The following MTHFD2L variants were observed in gnomAD, a reference collection of about 807,000 sequenced individuals.
MTHFD2L encodes the protein bifunctional methylenetetrahydrofolate dehydrogenase/cyclohydrolase 2, mitochondrial.
In MTHFD2L, 29 loss-of-function variants were observed where a neutral mutation model predicts 34.9. The observed-to-expected ratio is 0.83, with a 90% CI of 0.62 to 1.13. The LOEUF (loss-of-function observed/expected upper bound fraction) is 1.13. MTHFD2L is among the 50% of genes most tolerant of loss of function. MTHFD2L has a pLI of 0.00. For missense variants in MTHFD2L, 481 were observed against 446.5 expected, an observed-to-expected ratio of 1.08 and a Z score of -0.70; for synonymous variants, 167 against 155.7, an observed-to-expected ratio of 1.07 and a Z score of -0.54.
chr4:74,189,008 T>A (rs912295235), intron 3 of MTHFD2L, among the ~76,000 whole-genome samples: 8 of 151,776 alleles, frequency 5.3e-5, no homozygotes, highest in African/African-American at 1.5e-4. Flanking sequence ...CAGGATGAAA[T>A]TTACATCTGT....
chr4:74,116,436 A>G (rs1353432811), intron 2 of MTHFD2L, among the ~76,000 whole-genome samples: 2 of 152,216 alleles, frequency 1.3e-5, no homozygotes, highest in Non-Finnish European at 2.9e-5. Flanking sequence ...ATAAAGTCAG[A>G]GTGAGAGAAA....
chr4:74,267,197 C>T, intron 6 of MTHFD2L: 1 of 985,154 alleles, frequency 1.0e-6, no homozygotes, highest in Non-Finnish European at 1.2e-6. Flanking sequence ...TAGACCCTTG[C>T]CTATTGTCCC....
At chr4:74,124,787 G>C (rs1721957400), upstream of MTHFD2L, among the ~76,000 whole-genome samples, 1 of 151,988 alleles carries the variant, frequency 6.6e-6, no homozygotes, top group African/African-American at 2.4e-5. Context: ...TTATACCTTT[G>C]CATCCCAAAT....
chr4:74,296,370 T>G (rs1444528667), intron 7 of MTHFD2L, among the ~76,000 whole-genome samples: 3 of 152,134 alleles, frequency 2.0e-5, no homozygotes, highest in Non-Finnish European at 4.4e-5. Context: ...TGTAGTAGAT[T>G]ATAAAAAATG....
In MTHFD2L at chr4:74,296,591, A is replaced by C. The variant is rs138016419; in HGVS notation, c.932-5106A>C. Among the ~76,000 whole-genome samples the C allele has an allele frequency of 3.2e-3, 494 of 152,190 alleles. 1 individual carries two copies. The highest frequency in any genetic ancestry group is 9.8e-3 in the African/African-American group (407 of 41,554). On this transcript the variant is annotated intron_variant, in intron 7 of 7. Coordinates refer to ENST00000325278, the MANE Select transcript of MTHFD2L (RefSeq NM_001144978.3). ...CCTGGGAACCTGAGGCCATCGTGTA[A>C]AGTAGCCATACTACAGCAGTGAATT... is the stretch of plus-strand genomic sequence containing the variant.
intron 1 of MTHFD2L, chr4:74,143,482 C>T: frequency 1.0e-6 from 1 of 979,144 alleles, no homozygotes; most frequent in Non-Finnish European, 1.2e-6. Context: ...GTGGAACTGT[C>T]TCAGGGGCCA....
intron 1 of MTHFD2L, among the ~76,000 whole-genome samples, chr4:74,166,951 C>T (rs540069416): frequency 6.6e-5 from 10 of 152,216 alleles, no homozygotes; most frequent in African/African-American, 2.4e-4. Context: ...CTGGGCAAGC[C>T]TAGTCCCCAC....
At chr4:74,163,878 G>A (rs1255311425) in intron 1 of MTHFD2L, among the ~76,000 whole-genome samples, 2 of 152,122 alleles carry the variant, frequency 1.3e-5, no homozygotes, top group African/African-American at 4.8e-5. Context: ...TTGTTTGTTT[G>A]TTTTGTTTTT....
At chr4:74,150,203 G>C (rs1723845754) in intron 1 of MTHFD2L, among the ~76,000 whole-genome samples, 1 of 152,190 alleles carries the variant, frequency 6.6e-6, no homozygotes. Flanking sequence ...AGCCCTGTGA[G>C]ACTCACACCA....
chr4:74,227,478 C>G (rs951773158), intron 6 of MTHFD2L, among the ~76,000 whole-genome samples: 2 of 152,106 alleles, frequency 1.3e-5, no homozygotes, highest in Non-Finnish European at 2.9e-5. Context: ...AGTAAAGGCA[C>G]AAATCAAGAA....
chr4:74,143,038 T>A (rs1360257472), intron 1 of MTHFD2L, among the ~76,000 whole-genome samples: 1 of 152,186 alleles, frequency 6.6e-6, no homozygotes, highest in East Asian at 1.9e-4. Flanking sequence ...TTTGTATGGT[T>A]TCAGGGGTTA....
intron 1 of MTHFD2L, among the ~76,000 whole-genome samples, chr4:74,125,973 A>G (rs1420012576): frequency 2.0e-5 from 3 of 152,196 alleles, no homozygotes; most frequent in African/African-American, 4.8e-5. Context: ...CACCCATATC[A>G]TCTGATCTGC....
At chr4:74,227,623 T>C (rs1739370915) in intron 6 of MTHFD2L, among the ~76,000 whole-genome samples, 1 of 152,142 alleles carries the variant, frequency 6.6e-6, no homozygotes, top group Non-Finnish European at 1.5e-5. Flanking sequence ...AATAAAATAT[T>C]AATAAATTAT....
Position 74,180,354 on chromosome 4 carries a change from C to T in MTHFD2L, c.451+4951C>T, listed in dbSNP as rs1246552170. ...TATAATGAACAAATTAAACAATAAG[C>T]AAATGAAAAAATGAATGAGTCTAGT... On this transcript the variant is annotated intron_variant, in intron 3 of 7. Coordinates refer to ENST00000325278, the MANE Select transcript of MTHFD2L (RefSeq NM_001144978.3). 3.3e-5 allele frequency among the ~76,000 whole-genome samples: 5 copies of T among 151,886 alleles called. No homozygotes were observed. In the East Asian group the frequency reaches 9.6e-4, roughly 29 times the overall value.
intron 5 of MTHFD2L, among the ~76,000 whole-genome samples, chr4:74,209,554 A>G (rs1445295013): frequency 6.6e-6 from 1 of 152,198 alleles, no homozygotes; most frequent in Non-Finnish European, 1.5e-5. Flanking sequence ...ATAGTATTCC[A>G]TGGTGTATAT....
At chr4:74,217,859 G>T (rs1169795235) in intron 5 of MTHFD2L, among the ~76,000 whole-genome samples, 2 of 152,032 alleles carry the variant, frequency 1.3e-5, no homozygotes, top group South Asian at 2.1e-4. Flanking sequence ...CAGTGGGAAA[G>T]GATACAAAAA....
upstream of MTHFD2L, among the ~76,000 whole-genome samples, chr4:74,121,598 ATAAT>A (rs1280176585): frequency 1.4e-5 from 2 of 145,038 alleles, no homozygotes; most frequent in South Asian, 2.1e-4. Flanking sequence ...TTAATTATAT[ATAAT>A]TAATTATTTA....
intron 1 of MTHFD2L, among the ~76,000 whole-genome samples, chr4:74,142,824 C>G (rs1031767326): frequency 1.3e-5 from 2 of 152,150 alleles, no homozygotes; most frequent in Admixed American, 1.3e-4. Context: ...GATAATGGGT[C>G]AGTCTTGGAC....
intron 3 of MTHFD2L, chr4:74,183,712 A>C (rs758641877): frequency 4.6e-5 from 7 of 152,082 alleles, no homozygotes; most frequent in Non-Finnish European, 7.4e-5. Context: ...AAATGATACT[A>C]GATGGAAATA....
Sources: gnomAD v4.1 joint callset for allele counts (sites outside exome capture counted in the v4.1 genomes callset) on GRCh38, gnomAD v4.1.1 for gene constraint, MANE v1.5 for transcripts, NCBI Gene and HGNC (gene_info 2026-07-23, HGNC 2026-07-21) for gene names.